Variants in TMEM207 observed in about 807,000 individuals in gnomAD.
The protein encoded by TMEM207 is SRSR846.
In TMEM207, 15 loss-of-function variants were observed where a neutral mutation model predicts 17.4. The observed-to-expected ratio is 0.86, with a 90% CI of 0.58 to 1.33. The LOEUF is 1.33. Ranked by LOEUF, TMEM207 falls within the 40% of genes most tolerant of loss-of-function variation. The probability of loss-of-function intolerance (pLI) is 0.00; values close to 1 mark genes in which losing one functional copy is unlikely to be tolerated. For synonymous variants in TMEM207, 70 were observed against 65.6 expected (o/e 1.07, Z -0.33); for missense variants, 205 against 173.8 (o/e 1.18, Z -1.01).
chr3:190,430,399 T>C (rs1719667527), intron 4 of TMEM207, among the ~76,000 whole-genome samples: 1 of 151,950 alleles, frequency 6.6e-6, no homozygotes, highest in African/African-American at 2.4e-5. Context: ...CTAATGGCTC[T>C]TTTGGAAATT....
intron 3 of TMEM207, 44 bp downstream of exon 3, chr3:190,441,394 T>C (rs769034671): frequency 4.0e-6 from 6 of 1,485,304 alleles, no homozygotes; most frequent in Non-Finnish European, 5.6e-6. Flanking sequence ...AAAGACTGTA[T>C]ATACCACCAA....
At chr3:190,433,522 G>A (rs1286164438) in intron 4 of TMEM207, among the ~76,000 whole-genome samples, 1 of 152,080 alleles carries the variant, frequency 6.6e-6, no homozygotes, top group Non-Finnish European at 1.5e-5. Context: ...TTTATGAACT[G>A]CTGAGCGATG....
Position 190,440,169 on chromosome 3 carries a change from G to A in TMEM207, c.304+75C>T, listed in dbSNP as rs1719898052. 2.0e-6 allele frequency: 3 copies of A among 1,516,074 alleles called. No individual in the cohort carries two copies. In the South Asian group the frequency reaches 4.0e-5, roughly 20 times the overall value. 93.9% of individuals were successfully genotyped at this position (1,516,074 alleles called of 1,614,324 possible). A position where few individuals can be genotyped will look rare whatever the true frequency, so the allele number is the denominator to read the frequency against. ...TTTCTAAGTTCCCAGATCTGCTTTT[G>A]GGAGAACAGTTTTTCAATTAACCGC... is the stretch of plus-strand genomic sequence containing the variant. On this transcript the variant is annotated intron_variant, in intron 4 of 4. Coordinates refer to ENST00000354905, the MANE Select transcript of TMEM207 (RefSeq NM_207316.3).
Position 190,449,779 on chromosome 3 carries a change from A to T in TMEM207, c.31T>A (p.Ser11Thr). The change falls in exon 1 of 5, where the codon TCA (serine) becomes ACA (threonine). Residue 11 changes from serine to threonine, a missense_variant. Ser to Thr is a moderately conservative substitution (Grantham distance 58, BLOSUM62 1). Transcript: ENST00000354905. MSRSRLFSVT[S>T]AISTIGILCL... The stretch of plus-strand genomic sequence containing the variant: ...AAGATCCCTATCGTTGAGATCGCTG[A>T]GGTGACACTGAAAAGTCTGGATCTT... 6.2e-7 allele frequency: 1 copy of T among 1,613,898 alleles called. No homozygotes were observed. The highest frequency in any genetic ancestry group is 1.3e-5 in the African/African-American group (1 of 75,042).
intron 4 of TMEM207, among the ~76,000 whole-genome samples, chr3:190,439,006 T>C (rs1324422509): frequency 6.8e-6 from 1 of 147,146 alleles, no homozygotes; most frequent in Non-Finnish European, 1.5e-5. Flanking sequence ...TGAAACCCCG[T>C]CTCTACTAAA....
At chr3:190,446,976 A>G (rs974915525) in intron 2 of TMEM207, among the ~76,000 whole-genome samples, 3 of 152,196 alleles carry the variant, frequency 2.0e-5, no homozygotes, top group African/African-American at 4.8e-5. Context: ...AGCCATGCAA[A>G]AGCTGAAAGA....
intron 2 of TMEM207, among the ~76,000 whole-genome samples, chr3:190,447,141 T>C (rs999071737): frequency 1.3e-5 from 2 of 152,048 alleles, no homozygotes; most frequent in African/African-American, 4.8e-5. Flanking sequence ...TGAAAACAGC[T>C]GCTAACAGTA....
intron 4 of TMEM207, among the ~76,000 whole-genome samples, chr3:190,430,675 G>A (rs1215003468): frequency 6.6e-6 from 1 of 151,746 alleles, no homozygotes; most frequent in African/African-American, 2.4e-5. Context: ...GAACTAAATC[G>A]GGCCTCTGAT....
intron 2 of TMEM207, chr3:190,444,281 T>G: frequency 4.0e-6 from 1 of 251,366 alleles, no homozygotes; most frequent in Non-Finnish European, 6.3e-6. Context: ...GAGAACTCAG[T>G]CACAGAGCCA....
At chr3:190,446,173 C>CT (rs199870311) in intron 2 of TMEM207, among the ~76,000 whole-genome samples, 7,638 of 152,200 alleles carry the variant, frequency 0.05, 234 homozygotes, top group Non-Finnish European at 0.067. Context: ...TATAGCAGTG[C>CT]TGGTAAATGG....
chr3:190,433,997 T>C (rs1719748739), intron 4 of TMEM207, among the ~76,000 whole-genome samples: 1 of 152,030 alleles, frequency 6.6e-6, no homozygotes, highest in South Asian at 2.1e-4. Context: ...TGATTTAAGT[T>C]CCCTGAGGCC....
intron 3 of TMEM207, among the ~76,000 whole-genome samples, chr3:190,440,971 A>AAGC (rs1157425539): frequency 6.6e-6 from 1 of 152,134 alleles, no homozygotes; most frequent in Non-Finnish European, 1.5e-5. Flanking sequence ...CCGGAGGCTG[A>AAGC]GGCTGGAGAA....
At chr3:190,443,488 G>A (rs1719979501) in intron 2 of TMEM207, among the ~76,000 whole-genome samples, 1 of 152,022 alleles carries the variant, frequency 6.6e-6, no homozygotes, top group South Asian at 2.1e-4. Flanking sequence ...GAGAAGTGCA[G>A]TAATCATGTA....
Position 190,447,452 on chromosome 3 carries a change from AT to A in TMEM207, c.113+337del, listed in dbSNP as rs372639231. Among the ~76,000 whole-genome samples, 692 of 152,232 alleles carry A rather than the reference AT, an allele frequency of 4.5e-3. 9 individuals carry two copies. In the South Asian group the frequency reaches 0.054, roughly 12 times the overall value. On this transcript the variant is annotated intron_variant, in intron 2 of 4. Transcript: ENST00000354905. ...AAAACTGCCTCCCTTGGTCACTGTGATTTTTGAGTGTGGATGAAGCCATAGA... is the reference window on the plus strand; with the variant it reads ...AAAACTGCCTCCCTTGGTCACTGTGATTTTGAGTGTGGATGAAGCCATAGA...
At chr3:190,438,784 C>T (rs1719859259) in intron 4 of TMEM207, among the ~76,000 whole-genome samples, 1 of 152,184 alleles carries the variant, frequency 6.6e-6, no homozygotes, top group Non-Finnish European at 1.5e-5. Flanking sequence ...CTTTGACTAA[C>T]ATATTTTGTT....
chr3:190,445,955 C>T (rs1043027168), intron 2 of TMEM207, among the ~76,000 whole-genome samples: 4 of 152,200 alleles, frequency 2.6e-5, no homozygotes, highest in African/African-American at 9.6e-5. Flanking sequence ...TCCACCATGG[C>T]CTCTACCTAG....
chr3:190,443,885 C>T (rs1366441249), intron 2 of TMEM207, among the ~76,000 whole-genome samples: 4 of 151,944 alleles, frequency 2.6e-5, no homozygotes, highest in East Asian at 1.9e-4. Context: ...GACTATAATG[C>T]GTAAGAAAGA....
chr3:190,449,460 G>A lies in TMEM207; in HGVS notation c.75+275C>T, dbSNP rs143109478. On this transcript the variant is annotated intron_variant, in intron 1 of 4. Coordinates refer to ENST00000354905, the MANE Select transcript of TMEM207 (RefSeq NM_207316.3). ...AGCATTTTGAATTTAAAAAATTACA[G>A]CATAGCAAAGTTAAACAAAGGTTAA... is the stretch of plus-strand genomic sequence containing the variant. Among the ~76,000 whole-genome samples, 5 of 152,254 alleles carry A rather than the reference G, an allele frequency of 3.3e-5. No homozygotes were observed. In the East Asian group the frequency reaches 9.6e-4, roughly 29 times the overall value.
chr3:190,449,820 C>T lies in TMEM207; in HGVS notation c.-11G>A. The stretch of plus-strand genomic sequence containing the variant: ...TCTGGATCTTGACATATTTAAAGGA[C>T]AGTCAACTTAGGATAGTGGTTTGGT... On this transcript the variant is annotated 5_prime_UTR_variant, in exon 1 of 5. Coordinates refer to ENST00000354905, the MANE Select transcript of TMEM207 (RefSeq NM_207316.3). 2 of 1,612,904 alleles carry T rather than the reference C, an allele frequency of 1.2e-6. No individual in the cohort carries two copies. The highest frequency in any genetic ancestry group is 1.7e-6 in the Non-Finnish European group (2 of 1,179,016).
Sources: gnomAD v4.1 joint callset for allele counts (sites outside exome capture counted in the v4.1 genomes callset) on GRCh38, gnomAD v4.1.1 for gene constraint, MANE v1.5 for transcripts, NCBI Gene and HGNC (gene_info 2026-07-23, HGNC 2026-07-21) for gene names.